The following BMX variants were observed in gnomAD, a reference collection of about 807,000 sequenced individuals.
BMX encodes cytoplasmic tyrosine-protein kinase BMX.
Under a neutral mutation model 59.2 loss-of-function variants are expected in BMX, and 31 were observed. That is an observed-to-expected ratio of 0.52 (90% CI 0.39 to 0.71). The LOEUF is 0.71. BMX is among the 30% of genes least tolerant of loss of function. BMX has a pLI of 0.00. For missense variants in BMX, 474 were observed against 491.7 expected (o/e 0.96, Z 0.34); for synonymous variants, 185 against 181.0 (o/e 1.02, Z -0.18).
At chrX:15,511,890 T>C (rs1923974882) in intron 4 of BMX, among the ~76,000 whole-genome samples, 1 of 112,292 alleles carries the variant, frequency 8.9e-6, no homozygotes, top group African/African-American at 3.2e-5. Flanking sequence ...TTGATGTTTA[T>C]AGAAAGTTAC....
intron 16 of BMX, among the ~76,000 whole-genome samples, chrX:15,544,362 C>G (rs1343610678): frequency 9.1e-6 from 1 of 109,918 alleles, no homozygotes; most frequent in African/African-American, 3.3e-5. Flanking sequence ...CCACCATACA[C>G]TGAGTCCCCT....
In BMX at chrX:15,525,962, G is replaced by A; in HGVS notation, c.831-80G>A. ...ATTTAGGTGGATAAAATCAGGGTGG[G>A]ATTTGATATTGCATGGCTACGCACT... On this transcript the variant is annotated intron_variant, in intron 8 of 18. Transcript: ENST00000348343. The A allele has an allele frequency of 3.6e-6, 3 of 842,373 alleles. No individual in the cohort carries two copies. The African/African-American group carries it at 6.0e-5, about 17-fold the overall frequency. 69.4% of individuals were successfully genotyped at this position (842,373 alleles called of 1,213,427 possible). A position where few individuals can be genotyped will look rare whatever the true frequency, so the allele number is the denominator to read the frequency against.
At chrX:15,536,164 G>A (rs1447324528) in intron 12 of BMX, among the ~76,000 whole-genome samples, 189 bp from the exon 13 acceptor site, 7 of 111,848 alleles carry the variant, frequency 6.3e-5, no homozygotes, top group African/African-American at 9.8e-5. Context: ...TTTAATTTTC[G>A]CTTTGCATTA....
intron 14 of BMX, among the ~76,000 whole-genome samples, chrX:15,537,687 G>C (rs1173810061): frequency 9.0e-6 from 1 of 110,906 alleles, no homozygotes; most frequent in Non-Finnish European, 1.9e-5. Context: ...GTACACACAA[G>C]CTCCCTCTTT....
chrX:15,503,648 T>C (rs1420419721), intron 1 of BMX, among the ~76,000 whole-genome samples: 1 of 112,028 alleles, frequency 8.9e-6, no homozygotes, highest in Non-Finnish European at 1.9e-5. Context: ...TGACATCCTA[T>C]GACTGCCTTC....
At chrX:15,511,036 C>A (rs1368150520) in intron 3 of BMX, among the ~76,000 whole-genome samples, 1 of 111,893 alleles carries the variant, frequency 8.9e-6, no homozygotes, top group Non-Finnish European at 1.9e-5. Context: ...AACATTCCAT[C>A]CCTGAAGGTA....
At chrX:15,524,116 G>A (rs1013854810) in intron 7 of BMX, among the ~76,000 whole-genome samples, 5 of 111,916 alleles carry the variant, frequency 4.5e-5, no homozygotes, top group Non-Finnish European at 9.4e-5. Flanking sequence ...TGTTTAGTAA[G>A]ATAATCTATG....
Position 15,522,444 on chromosome X carries a change from C to T in BMX, c.609C>T (p.Gly203=), listed in dbSNP as rs1299473496. 2.5e-6 allele frequency: 3 copies of T among 1,210,835 alleles called. No homozygotes were observed. The highest frequency in any genetic ancestry group is 3.4e-6 in the Non-Finnish European group (3 of 895,405). The change falls in exon 7 of 19, where the codon GGC becomes GGT. Residue 203 remains glycine (G), a synonymous_variant. Coordinates refer to ENST00000348343, the MANE Select transcript of BMX (RefSeq NM_203281.3). ...ACAACGAATCAAAGAAAAACTATGG[C>T]TCCCAGCCACCATCTTCAAGTACCA... ...QYDNESKKNY[G]SQPPSSSTSL... is the part of the protein sequence containing the mutation.
At chrX:15,515,995 C>A (rs1924138413) in intron 4 of BMX, 117 bp from the exon 5 acceptor site, 1 of 998,732 alleles carries the variant, frequency 1.0e-6, no homozygotes, top group Non-Finnish European at 1.4e-6. Flanking sequence ...TTTGCTCTTA[C>A]CTTGGTTGCT....
At chrX:15,515,715 C>CT (rs749054786) in intron 4 of BMX, among the ~76,000 whole-genome samples, 2 of 110,609 alleles carry the variant, frequency 1.8e-5, no homozygotes, top group African/African-American at 6.6e-5. Flanking sequence ...TTATTCAGGC[C>CT]TTTTTTTTAG....
chrX:15,549,837 C>T lies in BMX; in HGVS notation c.1796-3C>T. ...ATCTGGGCCACCTCTTGGTGTGGTGCAGGGATCCTGATGTGGGAGGTGTTC... is the reference window on the plus strand; with the variant it reads ...ATCTGGGCCACCTCTTGGTGTGGTGTAGGGATCCTGATGTGGGAGGTGTTC... On this transcript the variant is annotated splice_region_variant and splice_polypyrimidine_tract_variant and intron_variant, in intron 17 of 18. Transcript: ENST00000348343. 8.3e-7 allele frequency: 1 copy of T among 1,204,313 alleles called. No homozygotes were observed. Among genetic ancestry groups the T allele is most frequent in the Non-Finnish European group, 1.1e-6 (1 of 891,286 alleles).
chrX:15,530,034 A>C lies in BMX; in HGVS notation c.939+7A>C. On this transcript the variant is annotated splice_region_variant and intron_variant, in intron 10 of 18. Transcript: ENST00000348343. ...ACAGTTACTCAGACAAAAGGTAAATAGTCTTGTCTTTAAAACAGCCTCACA... is the reference window on the plus strand; with the variant it reads ...ACAGTTACTCAGACAAAAGGTAAATCGTCTTGTCTTTAAAACAGCCTCACA... The C allele has an allele frequency of 8.3e-7, 1 of 1,201,049 alleles. No individual in the cohort carries two copies. Among genetic ancestry groups the C allele is most frequent in the Non-Finnish European group, 1.1e-6 (1 of 886,731 alleles).
At chrX:15,554,539 C>A (rs1270282325) in intron 18 of BMX, among the ~76,000 whole-genome samples, 10 of 109,306 alleles carry the variant, frequency 9.1e-5, no homozygotes, top group African/African-American at 3.3e-4. Context: ...CTTTTTTTGA[C>A]CATGCAGAAA....
chrX:15,530,070 G>A, intron 10 of BMX, 43 bp downstream of exon 10: 1 of 1,126,581 alleles, frequency 8.9e-7, no homozygotes, highest in East Asian at 3.0e-5. Context: ...GAATCTCTTT[G>A]CATTTTGGGG....
chrX:15,542,354 A>G (rs1026971129), intron 15 of BMX, among the ~76,000 whole-genome samples, 156 bp downstream of exon 15: 1 of 112,158 alleles, frequency 8.9e-6, no homozygotes, highest in African/African-American at 3.2e-5. Flanking sequence ...TACAAAAATC[A>G]ATGTAAAAAT....
chrX:15,537,026 T>G, intron 13 of BMX, 108 bp from the exon 14 acceptor site: 2 of 837,031 alleles, frequency 2.4e-6, no homozygotes, highest in Non-Finnish European at 1.7e-6. Flanking sequence ...AAAAGTCTTG[T>G]TTATATTGTC....
chrX:15,543,826 T>A (rs753340191), intron 16 of BMX, among the ~76,000 whole-genome samples: 1 of 112,065 alleles, frequency 8.9e-6, no homozygotes, highest in Non-Finnish European at 1.9e-5. Context: ...CGATCGTTTT[T>A]TTAAAGTCTT....
At chrX:15,555,201 CT>C (rs34118728) in intron 18 of BMX, among the ~76,000 whole-genome samples, 165 of 41,570 alleles carry the variant, frequency 4.0e-3, no homozygotes, top group African/African-American at 0.012. Flanking sequence ...ACGAGGGAAG[CT>C]TTTTTTTTTT....
Position 15,516,778 on chromosome X carries a change from A to G in BMX, c.445+547A>G, listed in dbSNP as rs748116289. Among the ~76,000 whole-genome samples the G allele has an allele frequency of 2.7e-5, 3 of 111,589 alleles. No homozygotes were observed. In the East Asian group the frequency reaches 8.4e-4, roughly 31 times the overall value. ...TATTTAAAGCAGTTCGCCATTCTCT[A>G]TATGTGTGTTAATTTCTTAATGACA... On this transcript the variant is annotated intron_variant, in intron 5 of 18. Transcript: ENST00000348343.
Sources: gnomAD v4.1 joint callset for allele counts (sites outside exome capture counted in the v4.1 genomes callset) on GRCh38, gnomAD v4.1.1 for gene constraint, MANE v1.5 for transcripts, NCBI Gene and HGNC (gene_info 2026-07-23, HGNC 2026-07-21) for gene names.